The following ACSL4 variants were observed in gnomAD, a reference collection of about 807,000 sequenced individuals.
ACSL4 encodes the protein long-chain-fatty-acid--CoA ligase 4.
ACSL4 carries 9 observed loss-of-function variants against 49.1 expected under a neutral mutation model. The observed-to-expected ratio is 0.18, with a 90% confidence interval of 0.11 to 0.32. ACSL4 has a LOEUF of 0.32. ACSL4 is among the 10% of genes least tolerant of loss of function. ACSL4 has a pLI of 1.00. For synonymous variants in ACSL4, 191 were observed against 170.3 expected (o/e 1.12, Z -0.95); for missense variants, 333 against 493.7 (o/e 0.67, Z 3.08).
chrX:109,682,550 G>A (rs1289782509), intron 4 of ACSL4, among the ~76,000 whole-genome samples, 169 bp downstream of exon 4: 1 of 110,023 alleles, frequency 9.1e-6, no homozygotes, highest in Non-Finnish European at 1.9e-5. Context: ...ATACTTAACA[G>A]GAGTCATCGG....
At chrX:109,647,177 T>A (rs935355489) in intron 15 of ACSL4, among the ~76,000 whole-genome samples, 2 of 111,352 alleles carry the variant, frequency 1.8e-5, no homozygotes, top group Admixed American at 1.9e-4. Context: ...GTGGACCTAA[T>A]AGACATCTAC....
At chrX:109,646,522 T>C (rs368109270) in intron 15 of ACSL4, among the ~76,000 whole-genome samples, 11 of 108,560 alleles carry the variant, frequency 1.0e-4, no homozygotes, top group African/African-American at 1.7e-4. Context: ...CTGAAGGAAG[T>C]GCTAAACATG....
intron 1 of ACSL4, among the ~76,000 whole-genome samples, chrX:109,702,770 A>G (rs1926068201): frequency 8.9e-6 from 1 of 111,842 alleles, no homozygotes; most frequent in Non-Finnish European, 1.9e-5. Flanking sequence ...AGAGTTCCCA[A>G]TGGCCACAGC....
chrX:109,659,314 A>C, intron 15 of ACSL4, 40 bp downstream of exon 15: 1 of 1,146,269 alleles, frequency 8.7e-7, no homozygotes, highest in Non-Finnish European at 1.2e-6. Context: ...TCATTAGATG[A>C]CTTTTAGGGA....
Position 109,643,968 on chromosome X carries a change from T to C in ACSL4, c.*61A>G. On this transcript the variant is annotated 3_prime_UTR_variant, in exon 16 of 16. Coordinates refer to ENST00000672401, the MANE Select transcript of ACSL4 (RefSeq NM_001318510.2). ...CTAACAGTTCAACAAAGGCTTAAAA[T>C]TCTAGAGGTTGAAAACCACCAGGCT... The C allele has an allele frequency of 2.6e-6, 3 of 1,142,875 alleles. No individual in the cohort carries two copies. Among genetic ancestry groups the C allele is most frequent in the Non-Finnish European group, 3.6e-6 (3 of 833,136 alleles). 94.2% of individuals were successfully genotyped at this position (1,142,875 alleles called of 1,213,427 possible).
Position 109,644,017 on chromosome X carries a change from GACA to G in ACSL4, c.*9_*11del, listed in dbSNP as rs1222642459. Reference sequence around the variant, plus strand: ...CTACCTCCTGCACAACTGTCAATAAGACAACAACATTTTATTTGCCCCCATACA... The same window carrying G: ...CTACCTCCTGCACAACTGTCAATAAGACAACATTTTATTTGCCCCCATACA... On this transcript the variant is annotated 3_prime_UTR_variant, in exon 16 of 16. Coordinates refer to ENST00000672401, the MANE Select transcript of ACSL4 (RefSeq NM_001318510.2). The G allele has an allele frequency of 1.6e-5, 19 of 1,208,996 alleles. No individual in the cohort carries two copies. The highest frequency in any genetic ancestry group is 4.6e-4 in the Middle Eastern group (2 of 4,372).
rs72549424 is a variant in ACSL4, at chrX:109,661,435, G to T, written c.1697+96C>A. 2.7e-3 allele frequency: 1,691 copies of T among 617,856 alleles called. 19 individuals are homozygous for T. The African/African-American group carries it at 0.032, about 12-fold the overall frequency. 50.9% of individuals were successfully genotyped at this position (617,856 alleles called of 1,213,427 possible). ...TCCCCAGATCTGATGAAAATTCTAA[G>T]AGAAGACTATGTTACCCTTATGATA... On this transcript the variant is annotated intron_variant, in intron 14 of 15. Coordinates refer to ENST00000672401, the MANE Select transcript of ACSL4 (RefSeq NM_001318510.2).
chrX:109,644,326 T>C lies in ACSL4; in HGVS notation c.1856-140A>G, dbSNP rs1934545041. On this transcript the variant is annotated intron_variant, in intron 15 of 15. Transcript: ENST00000672401. ...AGGATTTACCTAGATGATTCGGGTG[T>C]TGAATCACCAATCACCACAAACTTA... 9 of 532,298 alleles carry C rather than the reference T, an allele frequency of 1.7e-5. No individual in the cohort carries two copies. In the Admixed American group the frequency reaches 3.6e-4, roughly 21 times the overall value. 43.9% of individuals were successfully genotyped at this position (532,298 alleles called of 1,213,427 possible). A position where few individuals can be genotyped will look rare whatever the true frequency, so the allele number is the denominator to read the frequency against.
At chrX:109,652,835 T>C (rs1343962356) in intron 15 of ACSL4, among the ~76,000 whole-genome samples, 1 of 111,315 alleles carries the variant, frequency 9.0e-6, no homozygotes, top group East Asian at 2.8e-4. Context: ...AAGTATAAAA[T>C]ACATGTCACA....
intron 15 of ACSL4, among the ~76,000 whole-genome samples, chrX:109,645,462 C>G (rs886435435): frequency 8.9e-6 from 1 of 112,008 alleles, no homozygotes; most frequent in Non-Finnish European, 1.9e-5. Context: ...GCTGAGGGTC[C>G]TGTCTGTTAG....
intron 9 of ACSL4, among the ~76,000 whole-genome samples, chrX:109,672,991 G>A (rs950023585): frequency 4.5e-5 from 5 of 111,184 alleles, no homozygotes; most frequent in Admixed American, 1.9e-4. Context: ...AAGTCATAAG[G>A]CAAGGATGCA....
At chrX:109,687,134 C>T (rs1246501716) in intron 2 of ACSL4, among the ~76,000 whole-genome samples, 1 of 111,908 alleles carries the variant, frequency 8.9e-6, no homozygotes, top group Non-Finnish European at 1.9e-5. Flanking sequence ...CTTTCAAGTA[C>T]ACTAGCCAGC....
chrX:109,719,485 TCTAA>T (rs1447144713), intron 1 of ACSL4, among the ~76,000 whole-genome samples: 4 of 112,099 alleles, frequency 3.6e-5, no homozygotes, highest in South Asian at 3.7e-4. Context: ...ATCATTCAGT[TCTAA>T]CTAAGTCCAC....
rs1442273039 is a variant in ACSL4, at chrX:109,668,417, C to G, written c.1143-144G>C. 3 of 460,466 alleles carry G rather than the reference C, an allele frequency of 6.5e-6. No homozygotes were observed. In the African/African-American group the frequency reaches 7.4e-5, roughly 11 times the overall value. 37.9% of individuals were successfully genotyped at this position (460,466 alleles called of 1,213,427 possible). ...CGGTGAGAATGAGAGGTTAACAAGGCAACAACTAGTAACGCCTTGTAAAAA... is the reference window on the plus strand; with the variant it reads ...CGGTGAGAATGAGAGGTTAACAAGGGAACAACTAGTAACGCCTTGTAAAAA... On this transcript the variant is annotated intron_variant, in intron 10 of 15. Transcript: ENST00000672401.
At chrX:109,682,461 T>G (rs1039008036) in intron 4 of ACSL4, among the ~76,000 whole-genome samples, 25 of 101,899 alleles carry the variant, frequency 2.5e-4, no homozygotes, top group Admixed American at 1.7e-3. Flanking sequence ...CAGTTACAAT[T>G]CATTTCCAAT....
intron 1 of ACSL4, among the ~76,000 whole-genome samples, chrX:109,725,913 C>T (rs927957886): frequency 1.8e-5 from 2 of 110,771 alleles, no homozygotes; most frequent in African/African-American, 6.6e-5. Context: ...CTAATGTAAC[C>T]ATCACCCAGC....
At chrX:109,651,050 A>G (rs1276558903) in intron 15 of ACSL4, among the ~76,000 whole-genome samples, 1 of 112,326 alleles carries the variant, frequency 8.9e-6, no homozygotes, top group Non-Finnish European at 1.9e-5. Flanking sequence ...AACTTAATAC[A>G]TATTGGCAAA....
chrX:109,660,072 A>C (rs1479208280), intron 14 of ACSL4, among the ~76,000 whole-genome samples: 1 of 111,362 alleles, frequency 9.0e-6, no homozygotes, highest in African/African-American at 3.3e-5. Flanking sequence ...AGGCAACAAA[A>C]GCAAAAAACA....
chrX:109,723,776 T>C (rs1317769822), intron 1 of ACSL4, among the ~76,000 whole-genome samples: 3 of 112,475 alleles, frequency 2.7e-5, no homozygotes, highest in African/African-American at 6.4e-5. Context: ...TGTATGCACA[T>C]TTAAAAATGA....
Sources: allele counts gnomAD v4.1 joint callset (sites outside exome capture counted in the v4.1 genomes callset), GRCh38; gene constraint gnomAD v4.1.1; transcripts MANE v1.5; gene names NCBI Gene and HGNC (gene_info 2026-07-23, HGNC 2026-07-21).